Variants in DNAH11 observed in about 807,000 individuals in gnomAD.
DNAH11 encodes the protein axonemal beta dynein heavy chain 11.
In DNAH11, 442 loss-of-function variants were observed where a neutral mutation model predicts 526.0. The ratio of observed to expected loss-of-function variants is 0.84; its 90% CI spans 0.78 to 0.91. DNAH11 has a LOEUF of 0.91. Ranked by LOEUF, DNAH11 falls within the 40% of genes least tolerant of loss-of-function variation. The pLI, the probability that DNAH11 is intolerant of heterozygous loss-of-function variation, is 0.00. For synonymous variants in DNAH11, 2,461 were observed against 1,935.9 expected (o/e 1.27, Z -7.12); for missense variants, 6,989 against 5,448.7 (o/e 1.28, Z -8.90).
chr7:21,739,671 C>T lies in DNAH11; in HGVS notation c.7912C>T (p.Gln2638Ter), dbSNP rs762729779. ...CAGCTTCACCATCAATCCCAGGCTA[C>T]AGGTAGGGTGTTGAATACTGCTCTC... Reference protein sequence around the residue: ...VGSFTINPRLQRHFTVFAFNF... With the variant: ...VGSFTINPRL Residue 2638 changes from glutamine (Q) to a stop codon, truncating the protein, a stop_gained and splice_region_variant, in exon 48 of 82, where the codon CAG becomes TAG. Transcript: ENST00000409508. LOFTEE classifies it high-confidence loss of function. 1.2e-6 allele frequency: 2 copies of T among 1,610,282 alleles called. No individual in the cohort carries two copies. The highest frequency in any genetic ancestry group is 1.1e-5 in the South Asian group (1 of 90,178).
At chr7:21,588,939 T>C (rs1167943520) in intron 11 of DNAH11, among the ~76,000 whole-genome samples, 1 of 152,194 alleles carries the variant, frequency 6.6e-6, no homozygotes, top group African/African-American at 2.4e-5. Context: ...ACACTGCTTT[T>C]ATAATGCAAT....
chr7:21,875,584 C>A (rs1416513395), intron 74 of DNAH11, among the ~76,000 whole-genome samples: 1 of 152,100 alleles, frequency 6.6e-6, no homozygotes, highest in Non-Finnish European at 1.5e-5. Flanking sequence ...TCACTTGAGC[C>A]CAGGAGTTCG....
intron 63 of DNAH11, among the ~76,000 whole-genome samples, chr7:21,814,770 A>G (rs1047864415): frequency 6.6e-6 from 1 of 152,024 alleles, no homozygotes; most frequent in African/African-American, 2.4e-5. Context: ...CCAAAATATC[A>G]TATGGCGCTT....
At chr7:21,721,201 C>T (rs1037216264) in intron 44 of DNAH11, among the ~76,000 whole-genome samples, 5 of 152,210 alleles carry the variant, frequency 3.3e-5, no homozygotes, top group East Asian at 1.9e-4. Context: ...CTCCAACTTG[C>T]CCCTGCTCTT....
intron 55 of DNAH11, among the ~76,000 whole-genome samples, chr7:21,765,890 AGGATCAT>A (rs1787165899): frequency 6.6e-6 from 1 of 152,212 alleles, no homozygotes. Flanking sequence ...CTGGAAGCCC[AGGATCAT>A]TACTTCCTTG....
At chr7:21,832,237 G>C (rs1022027284) in intron 65 of DNAH11, among the ~76,000 whole-genome samples, 1 of 152,120 alleles carries the variant, frequency 6.6e-6, no homozygotes. Flanking sequence ...CTAGCTGGTT[G>C]TTTTGCCTGT....
chr7:21,671,813 A>G (rs937560205), intron 30 of DNAH11, among the ~76,000 whole-genome samples: 2 of 152,166 alleles, frequency 1.3e-5, no homozygotes, highest in African/African-American at 4.8e-5. Context: ...AAAAATATCT[A>G]CCAGAAACCT....
intron 20 of DNAH11, among the ~76,000 whole-genome samples, chr7:21,614,908 T>C (rs1479816344): frequency 6.6e-6 from 1 of 152,238 alleles, no homozygotes; most frequent in Non-Finnish European, 1.5e-5. Flanking sequence ...GAAGTTACTG[T>C]GTTTAACAGT....
chr7:21,818,424 T>A, intron 65 of DNAH11, 85 bp downstream of exon 65: 1 of 1,475,998 alleles, frequency 6.8e-7, no homozygotes, highest in South Asian at 1.3e-5. Flanking sequence ...TCAAGCAGTC[T>A]ATTGAAATCT....
intron 3 of DNAH11, 51 bp downstream of exon 3, chr7:21,559,049 G>A: frequency 6.8e-7 from 1 of 1,475,842 alleles, no homozygotes; most frequent in Non-Finnish European, 9.2e-7. Flanking sequence ...AGCCAGGCCA[G>A]CACGGTGGCT....
At chr7:21,869,225 A>C (rs148797976) in intron 73 of DNAH11, among the ~76,000 whole-genome samples, 1 of 152,208 alleles carries the variant, frequency 6.6e-6, no homozygotes, top group Non-Finnish European at 1.5e-5. Flanking sequence ...AATTAAAACT[A>C]TTAGGAAGAA....
chr7:21,863,090 A>G (rs1345772238), intron 69 of DNAH11, among the ~76,000 whole-genome samples: 3 of 151,728 alleles, frequency 2.0e-5, no homozygotes, highest in African/African-American at 7.3e-5. Flanking sequence ...GAAAAAGAAA[A>G]GAAAAAGCGT....
intron 6 of DNAH11, among the ~76,000 whole-genome samples, chr7:21,565,796 A>G (rs1783643052): frequency 6.6e-6 from 1 of 152,194 alleles, no homozygotes; most frequent in African/African-American, 2.4e-5. Flanking sequence ...GAGGCTCAGT[A>G]AATGTTAGTT....
chr7:21,760,924 A>G (rs1313581240), intron 54 of DNAH11, among the ~76,000 whole-genome samples: 1 of 152,220 alleles, frequency 6.6e-6, no homozygotes, highest in Non-Finnish European at 1.5e-5. Flanking sequence ...AGACAATATA[A>G]CACCCTTTTA....
chr7:21,740,139 C>G (rs1396312140), intron 48 of DNAH11, among the ~76,000 whole-genome samples: 1 of 152,158 alleles, frequency 6.6e-6, no homozygotes. Flanking sequence ...TCTCTGTACT[C>G]TACCAATTCA....
chr7:21,824,228 T>A (rs557906163), intron 65 of DNAH11, among the ~76,000 whole-genome samples: 17 of 152,244 alleles, frequency 1.1e-4, no homozygotes, highest in African/African-American at 4.1e-4. Flanking sequence ...ATACATAATA[T>A]ATGAAGTTAT....
At chr7:21,676,086 G>A (rs762306176) in intron 30 of DNAH11, among the ~76,000 whole-genome samples, 12 of 152,108 alleles carry the variant, frequency 7.9e-5, no homozygotes, top group Non-Finnish European at 1.5e-4. Context: ...AAGTGAGATA[G>A]GAAAGGAGTG....
chr7:21,882,905 A>G lies in DNAH11; in HGVS notation c.12388-1386A>G, dbSNP rs530760468. ...ACAGATCCCTAGTTAAATAAAAATTAAAAAGAGATACATATTGAATACTGA... is the reference window on the plus strand; with the variant it reads ...ACAGATCCCTAGTTAAATAAAAATTGAAAAGAGATACATATTGAATACTGA... On this transcript the variant is annotated intron_variant, in intron 75 of 81. Coordinates refer to ENST00000409508, the MANE Select transcript of DNAH11 (RefSeq NM_001277115.2). Among the ~76,000 whole-genome samples, 3 of 152,344 alleles carry G rather than the reference A, an allele frequency of 2.0e-5. No homozygotes were observed. In the East Asian group the frequency reaches 5.8e-4, roughly 29 times the overall value.
At chr7:21,696,398 T>G (rs1783854307) in intron 35 of DNAH11, among the ~76,000 whole-genome samples, 1 of 152,224 alleles carries the variant, frequency 6.6e-6, no homozygotes, top group Non-Finnish European at 1.5e-5. Flanking sequence ...TGCTAACATC[T>G]TGTATTGAAT....
Sources: gnomAD v4.1 joint callset for allele counts (sites outside exome capture counted in the v4.1 genomes callset) on GRCh38, gnomAD v4.1.1 for gene constraint, MANE v1.5 for transcripts, NCBI Gene and HGNC (gene_info 2026-07-23, HGNC 2026-07-21) for gene names.